RORA: variants seen among roughly 807,000 people sequenced by gnomAD.
RORA encodes the protein RAR related orphan receptor A, also known as nuclear receptor ROR-alpha.
Under a neutral mutation model 69.5 loss-of-function variants are expected in RORA, and 7 were observed. That is an observed-to-expected ratio of 0.10 (90% CI 0.06 to 0.19). The LOEUF is 0.19. Ranked by LOEUF, RORA falls within the 10% of genes least tolerant of loss-of-function variation. The probability of loss-of-function intolerance (pLI) is 1.00; values close to 1 mark genes in which losing one functional copy is unlikely to be tolerated. For synonymous variants in RORA, 261 were observed against 240.8 expected, an observed-to-expected ratio of 1.08 and a Z score of -0.78; for missense variants, 457 against 663.0, an observed-to-expected ratio of 0.69 and a Z score of 3.41.
intron 2 of RORA, among the ~76,000 whole-genome samples, chr15:60,594,359 A>T (rs1330977886): frequency 6.6e-6 from 1 of 152,202 alleles, no homozygotes; most frequent in Admixed American, 6.5e-5. Context: ...CTAACGACTA[A>T]TGCCAAGCTA....
intron 1 of RORA, among the ~76,000 whole-genome samples, chr15:60,798,001 C>A (rs1361462168): frequency 6.6e-6 from 1 of 152,102 alleles, no homozygotes; most frequent in Non-Finnish European, 1.5e-5. Context: ...ACAGCTATGC[C>A]ACAAGACCAG....
chr15:61,151,926 G>A (rs770462338), intron 1 of RORA, among the ~76,000 whole-genome samples: 9 of 152,054 alleles, frequency 5.9e-5, no homozygotes, highest in South Asian at 2.1e-4. Flanking sequence ...CTTGCCACTC[G>A]CCAGGCCCAT....
intron 1 of RORA, among the ~76,000 whole-genome samples, chr15:60,822,144 G>A (rs1221781029): frequency 2.0e-5 from 3 of 152,180 alleles, no homozygotes; most frequent in Non-Finnish European, 2.9e-5. Context: ...TTTTATCAAA[G>A]GGAAAATTGG....
chr15:61,225,318 A>G (rs1006820142), intron 1 of RORA, among the ~76,000 whole-genome samples: 6 of 152,170 alleles, frequency 3.9e-5, no homozygotes. Context: ...AGCCGGGTCC[A>G]TGTGAGGAAA....
intron 1 of RORA, among the ~76,000 whole-genome samples, chr15:61,194,622 T>C (rs1171566374): frequency 1.3e-5 from 2 of 151,882 alleles, no homozygotes; most frequent in Non-Finnish European, 2.9e-5. Flanking sequence ...CATCATTCCA[T>C]AGACAATGGC....
At chr15:60,883,793 T>C (rs768976602) in intron 1 of RORA, among the ~76,000 whole-genome samples, 2 of 152,080 alleles carry the variant, frequency 1.3e-5, no homozygotes, top group Non-Finnish European at 2.9e-5. Flanking sequence ...AAAAGAAAAA[T>C]GGAGTACAAA....
chr15:60,961,370 C>T (rs559265154), intron 1 of RORA, among the ~76,000 whole-genome samples: 21 of 152,258 alleles, frequency 1.4e-4, no homozygotes, highest in Non-Finnish European at 2.6e-4. Flanking sequence ...AGGCATTGCT[C>T]CAGCCTCAAT....
chr15:60,824,072 C>T (rs1322715649), intron 1 of RORA, among the ~76,000 whole-genome samples: 1 of 152,124 alleles, frequency 6.6e-6, no homozygotes, highest in Admixed American at 6.5e-5. Context: ...AACACACAGG[C>T]CGGTGGAATG....
intron 6 of RORA, among the ~76,000 whole-genome samples, chr15:60,504,981 T>C (rs901745307): frequency 1.3e-5 from 2 of 152,200 alleles, no homozygotes; most frequent in African/African-American, 2.4e-5. Flanking sequence ...TAGATAATCT[T>C]GTTGATCTGG....
chr15:60,805,810 T>G (rs181967577), intron 1 of RORA, among the ~76,000 whole-genome samples: 2 of 152,368 alleles, frequency 1.3e-5, no homozygotes, highest in African/African-American at 4.8e-5. Flanking sequence ...TTTCCAATTC[T>G]GCCAACTAAG....
chr15:60,744,548 G>A (rs555049136), intron 1 of RORA, among the ~76,000 whole-genome samples: 30 of 152,256 alleles, frequency 2.0e-4, no homozygotes, highest in East Asian at 1.2e-3. Flanking sequence ...TGTCACTTAC[G>A]CTCCCTGAGT....
intron 1 of RORA, among the ~76,000 whole-genome samples, chr15:60,952,095 A>G (rs1329771054): frequency 6.6e-6 from 1 of 150,922 alleles, no homozygotes; most frequent in African/African-American, 2.4e-5. Flanking sequence ...ATCCACCATG[A>G]TCAAGTGGGC....
At chr15:60,949,782 T>C (rs1338606684) in intron 1 of RORA, among the ~76,000 whole-genome samples, 1 of 152,218 alleles carries the variant, frequency 6.6e-6, no homozygotes, top group East Asian at 1.9e-4. Flanking sequence ...CTGCACTTGG[T>C]TTATAAGTGA....
intron 2 of RORA, among the ~76,000 whole-genome samples, chr15:60,659,759 C>T (rs1449272259): frequency 6.6e-6 from 1 of 152,112 alleles, no homozygotes; most frequent in Non-Finnish European, 1.5e-5. Flanking sequence ...CTCAGTCAAA[C>T]ATTTTTGAGT....
chr15:60,787,200 A>C lies in RORA; in HGVS notation c.167-108514T>G, dbSNP rs2072347214. ...AGCGCCATGGGGCCAACAGAACAGA[A>C]GGCCCTGTTACTGCTCAAGCAGCTG... On this transcript the variant is annotated intron_variant, in intron 1 of 10. Coordinates refer to ENST00000335670, the MANE Select transcript of RORA (RefSeq NM_134261.3). Among the ~76,000 whole-genome samples the C allele has an allele frequency of 3.9e-5, 6 of 152,248 alleles. No homozygotes were observed. The South Asian group carries it at 1.0e-3, about 26-fold the overall frequency.
chr15:60,908,748 C>T (rs886086792), intron 1 of RORA, among the ~76,000 whole-genome samples: 6 of 152,134 alleles, frequency 3.9e-5, no homozygotes, highest in Non-Finnish European at 7.3e-5. Context: ...AAGCTTATTA[C>T]CCCCACAGAA....
chr15:60,976,113 C>T (rs1241626443), intron 1 of RORA, among the ~76,000 whole-genome samples: 2 of 152,220 alleles, frequency 1.3e-5, no homozygotes, highest in African/African-American at 4.8e-5. Context: ...GGGAAGCAGA[C>T]AGCAGATCGT....
chr15:61,165,727 T>A (rs2079535412), intron 1 of RORA, among the ~76,000 whole-genome samples: 1 of 152,094 alleles, frequency 6.6e-6, no homozygotes. Context: ...GCAAACAACA[T>A]CCCACTTTAA....
intron 2 of RORA, among the ~76,000 whole-genome samples, chr15:60,611,637 G>A (rs2069094450): frequency 7.8e-6 from 1 of 128,484 alleles, no homozygotes; most frequent in South Asian, 2.7e-4. Flanking sequence ...TTAGCACCTA[G>A]TAGGTGCTCA....
Sources: allele counts gnomAD v4.1 joint callset (sites outside exome capture counted in the v4.1 genomes callset), GRCh38; gene constraint gnomAD v4.1.1; transcripts MANE v1.5; gene names NCBI Gene and HGNC (gene_info 2026-07-23, HGNC 2026-07-21).